The following CYTH2 variants were observed in gnomAD, a reference collection of about 807,000 sequenced individuals.
CYTH2 encodes the protein cytohesin-2.
CYTH2 carries 24 observed loss-of-function variants against 55.4 expected under a neutral mutation model. That is an observed-to-expected ratio of 0.43 (90% CI 0.31 to 0.61). The LOEUF is 0.61. Among genes scored for constraint, CYTH2 ranks in the 20% least tolerant of loss-of-function variants. The probability of loss-of-function intolerance (pLI) is 0.08; values close to 1 mark genes in which losing one functional copy is unlikely to be tolerated. For synonymous variants in CYTH2, 221 were observed against 209.6 expected (o/e 1.05, Z -0.47); for missense variants, 378 against 533.5 (o/e 0.71, Z 2.87).
At chr19:48,471,653 C>T (rs1331385959) in intron 3 of CYTH2, among the ~76,000 whole-genome samples, 1 of 152,254 alleles carries the variant, frequency 6.6e-6, no homozygotes, top group Non-Finnish European at 1.5e-5. Flanking sequence ...AACCTCCAGT[C>T]TAGCCAGGGC....
Position 48,479,697 on chromosome 19 carries a change from A to G in CYTH2, c.*487A>G, listed in dbSNP as rs139245744. The stretch of plus-strand genomic sequence containing the variant: ...GCCAGTTACGCTACAGCCATCAGCT[A>G]GTTCCCATCGTTGCTTTCATGGGGC... On this transcript the variant is annotated 3_prime_UTR_variant, in exon 12 of 12. Transcript: ENST00000452733. The G allele has an allele frequency of 1.8e-4, 29 of 161,056 alleles. No individual in the cohort carries two copies. The highest frequency in any genetic ancestry group is 5.2e-4 in the Admixed American group (9 of 17,214). 10.0% of individuals were successfully genotyped at this position (161,056 alleles called of 1,614,324 possible). A position where few individuals can be genotyped will look rare whatever the true frequency, so the allele number is the denominator to read the frequency against.
intron 3 of CYTH2, among the ~76,000 whole-genome samples, chr19:48,471,166 T>TTGTGTGTGTGTGTGTGTGTTTGTGTGTG (rs372484993): frequency 4.0e-5 from 6 of 150,536 alleles, no homozygotes; most frequent in African/African-American, 1.5e-4. Context: ...CACCTACTCT[T>TTGTGTGTGTGTGTGTGTGTTTGTGTGTG]TGTGTGTGTG....
chr19:48,479,030 C>T lies in CYTH2; in HGVS notation c.1113-93C>T, dbSNP rs573157450. Reference sequence around the variant, plus strand: ...ACTCCTGGGTCTGAGGGAGGAGGGGCCGGGGGTCTGAGACTCCTCCTGGGT... The same window carrying T: ...ACTCCTGGGTCTGAGGGAGGAGGGGTCGGGGGTCTGAGACTCCTCCTGGGT... On this transcript the variant is annotated intron_variant, in intron 11 of 11. Coordinates refer to ENST00000452733, the MANE Select transcript of CYTH2 (RefSeq NM_004228.7). The T allele has an allele frequency of 3.0e-6, 4 of 1,321,550 alleles. No homozygotes were observed. In the African/African-American group the frequency reaches 6.0e-5, roughly 20 times the overall value. The allele number at this position is 1,321,550 out of a possible 1,614,324, so 81.9% of individuals were successfully genotyped here. A position where few individuals can be genotyped will look rare whatever the true frequency, so the allele number is the denominator to read the frequency against.
intron 11 of CYTH2, 63 bp from the exon 12 acceptor site, chr19:48,479,060 G>A: frequency 6.6e-7 from 1 of 1,520,874 alleles, no homozygotes; most frequent in Non-Finnish European, 9.1e-7. Flanking sequence ...CTGGGTATGA[G>A]GGAGGAGGGG....
chr19:48,473,925 G>A lies in CYTH2; in HGVS notation c.455G>A (p.Arg152His), dbSNP rs760826182. The change falls in exon 6 of 12, where the codon CGC becomes CAC. Residue 152 changes from arginine (R) to histidine (H), a missense_variant. Physicochemically the swap from Arg to His is conservative, Grantham distance 29 (BLOSUM62 0). Coordinates refer to ENST00000452733, the MANE Select transcript of CYTH2 (RefSeq NM_004228.7). ...CCCAGGCAGTTTCTATGGAGCTTTC[G>A]CCTACCCGGAGAGGCCCAGAAAATT... ...QALRQFLWSF[R>H]LPGEAQKIDR... 9.3e-6 allele frequency: 15 copies of A among 1,611,816 alleles called. No individual in the cohort carries two copies. The highest frequency in any genetic ancestry group is 1.6e-4 in the Middle Eastern group (1 of 6,068).
chr19:48,478,387 TC>T (rs1433035988), intron 10 of CYTH2, 41 bp downstream of exon 10: 1 of 1,613,456 alleles, frequency 6.2e-7, no homozygotes, highest in Non-Finnish European at 8.5e-7. Flanking sequence ...GGGCGGGGCC[TC>T]CTCTGCCCAG....
chr19:48,469,645 C>T (rs1971742095), intron 1 of CYTH2, 119 bp downstream of exon 1: 8 of 1,359,094 alleles, frequency 5.9e-6, no homozygotes, highest in African/African-American at 3.0e-5. Flanking sequence ...CAGTCGTAGA[C>T]TTGTCGCGCC....
intron 8 of CYTH2, chr19:48,477,729 C>T (rs1002155498): frequency 2.4e-5 from 8 of 338,026 alleles, no homozygotes; most frequent in Admixed American, 4.2e-5. Context: ...GGTAGGTACA[C>T]GACCTGTCTT....
In CYTH2 at chr19:48,479,211, C is replaced by T. The variant is rs1457433161; in HGVS notation, c.*1C>T. On this transcript the variant is annotated 3_prime_UTR_variant, in exon 12 of 12. Coordinates refer to ENST00000452733, the MANE Select transcript of CYTH2 (RefSeq NM_004228.7). Reference sequence around the variant, plus strand: ...CAAGAAGAAGCAGGAGCAGCCCTGACCCCCTGCCCCCAACTCCATTATTTA... The same window carrying T: ...CAAGAAGAAGCAGGAGCAGCCCTGATCCCCTGCCCCCAACTCCATTATTTA... 11 of 1,613,712 alleles carry T rather than the reference C, an allele frequency of 6.8e-6. No individual in the cohort carries two copies. The highest frequency in any genetic ancestry group is 2.2e-5 in the East Asian group (1 of 44,854).
chr19:48,477,508 T>C (rs1971939287), intron 8 of CYTH2: 1 of 155,518 alleles, frequency 6.4e-6, no homozygotes, highest in Admixed American at 6.3e-5. Flanking sequence ...CCCACCCTCG[T>C]GGATGTAACT....
In CYTH2 at chr19:48,476,168, G is replaced by C. The variant is rs183437229; in HGVS notation, c.808+1219G>C. On this transcript the variant is annotated intron_variant, in intron 8 of 11. Transcript: ENST00000452733. ...AATACACAAGTCAGGCAGGGCACAG[G>C]GGCCCACCCCTGTAATTTCAGCACT... The C allele has an allele frequency of 3.5e-3, 1,168 of 330,330 alleles. 8 individuals are homozygous for C. Among genetic ancestry groups the C allele is most frequent in the Non-Finnish European group, 5.4e-3 (881 of 162,052 alleles). The allele number at this position is 330,330 out of a possible 1,614,324, so 20.5% of individuals were successfully genotyped here.
intron 3 of CYTH2, among the ~76,000 whole-genome samples, 198 bp downstream of exon 3, chr19:48,470,867 C>T (rs953829526): frequency 2.0e-5 from 3 of 152,158 alleles, no homozygotes; most frequent in Non-Finnish European, 4.4e-5. Context: ...GCCCTCCTGA[C>T]TGTTTTGTCC....
rs1569090113 is a variant in CYTH2, at chr19:48,474,429, ACCC to A, written c.696+102_696+104del. 7.7e-6 allele frequency: 10 copies of A among 1,293,392 alleles called. No homozygotes were observed. In the South Asian group the frequency reaches 1.5e-4, roughly 20 times the overall value. The allele number at this position is 1,293,392 out of a possible 1,614,324, so 80.1% of individuals were successfully genotyped here. A position where few individuals can be genotyped will look rare whatever the true frequency, so the allele number is the denominator to read the frequency against. ...CCTAGTGCCCAAGCTGTCTGCCCTC[ACCC>A]CCAAGATGGTGCGATCATGCCAACT... On this transcript the variant is annotated intron_variant, in intron 7 of 11. Coordinates refer to ENST00000452733, the MANE Select transcript of CYTH2 (RefSeq NM_004228.7). The surrounding 1 kb of genome is among the most constrained non-coding windows in gnomAD (Gnocchi z 4.9).
rs1972026381 is a variant in CYTH2 at position 48,480,423 on chromosome 19, G to C, written c.*1213G>C. 1 of 152,192 alleles carries C rather than the reference G, an allele frequency of 6.6e-6. No homozygotes were observed. Among genetic ancestry groups the C allele is most frequent in the Non-Finnish European group, 1.5e-5 (1 of 68,044 alleles). 9.4% of individuals were successfully genotyped at this position (152,192 alleles called of 1,614,324 possible). ...TGGGATGCGGCGCTTCGGAATTTCGGGCTTTGATCCCTGTCCCGCCCTTGG... is the reference window on the plus strand; with the variant it reads ...TGGGATGCGGCGCTTCGGAATTTCGCGCTTTGATCCCTGTCCCGCCCTTGG... On this transcript the variant is annotated 3_prime_UTR_variant, in exon 12 of 12. Coordinates refer to ENST00000452733, the MANE Select transcript of CYTH2 (RefSeq NM_004228.7).
Position 48,478,052 on chromosome 19 carries a change from C to T in CYTH2, c.809-17C>T, listed in dbSNP as rs1327876989. On this transcript the variant is annotated splice_polypyrimidine_tract_variant and intron_variant, in intron 8 of 11. Coordinates refer to ENST00000452733, the MANE Select transcript of CYTH2 (RefSeq NM_004228.7). The stretch of plus-strand genomic sequence containing the variant: ...CCCCTGTTGAGCCCAGGCCCCCTCC[C>T]ACCCCTTCCCTTTCAGGGGGCCGGG... 3.1e-6 allele frequency: 5 copies of T among 1,612,578 alleles called. No homozygotes were observed. The highest frequency in any genetic ancestry group is 1.7e-5 in the Admixed American group (1 of 59,990).
chr19:48,473,979 G>C lies in CYTH2; in HGVS notation c.509G>C (p.Arg170Pro). 2 of 1,613,690 alleles carry C rather than the reference G, an allele frequency of 1.2e-6. No homozygotes were observed. The highest frequency in any genetic ancestry group is 1.7e-6 in the Non-Finnish European group (2 of 1,179,782). ...CGGATGATGGAGGCCTTCGCCCAGC[G>C]ATACTGCCTGTGCAACCCTGGGGTT... is the stretch of plus-strand genomic sequence containing the variant. ...IDRMMEAFAQ[R>P]YCLCNPGVFQ... is the part of the protein sequence containing the mutation. Residue 170 changes from arginine to proline, a missense_variant, in exon 6 of 12, where the codon CGA becomes CCA. Transcript: ENST00000452733.
chr19:48,476,367 T>C (rs1971912210), intron 8 of CYTH2: 1 of 186,912 alleles, frequency 5.4e-6, no homozygotes, highest in East Asian at 1.7e-4. Context: ...GTTGCGCCAC[T>C]GCAGTCCAGC....
chr19:48,480,410 C>T lies in CYTH2; in HGVS notation c.*1200C>T, dbSNP rs1156256717. On this transcript the variant is annotated 3_prime_UTR_variant, in exon 12 of 12. Transcript: ENST00000452733. The stretch of plus-strand genomic sequence containing the variant: ...TTGAGCTCTCCGATGGGATGCGGCG[C>T]TTCGGAATTTCGGGCTTTGATCCCT... 2.0e-5 allele frequency: 3 copies of T among 152,242 alleles called. No individual in the cohort carries two copies. Among genetic ancestry groups the T allele is most frequent in the Admixed American group, 1.3e-4 (2 of 15,284 alleles). 9.4% of individuals were successfully genotyped at this position (152,242 alleles called of 1,614,324 possible).
chr19:48,476,054 G>C, intron 8 of CYTH2: 1 of 518,542 alleles, frequency 1.9e-6, no homozygotes, highest in Non-Finnish European at 3.9e-6. Context: ...TTTGGCCTCT[G>C]AGTCTTGGGG....
Sources: gnomAD v4.1 joint callset for allele counts (sites outside exome capture counted in the v4.1 genomes callset) on GRCh38, gnomAD v4.1.1 for gene constraint, Gnocchi (gnomAD v3.1) non-coding constraint, MANE v1.5 for transcripts, NCBI Gene and HGNC (gene_info 2026-07-23, HGNC 2026-07-21) for gene names.